MRPS28: variants seen among roughly 807,000 people sequenced by gnomAD.
The protein encoded by MRPS28 is mitochondrial ribosomal protein S28.
MRPS28 carries 7 observed loss-of-function variants against 10.8 expected under a neutral mutation model. That is an observed-to-expected ratio of 0.65 (90% CI 0.37 to 1.22). The LOEUF (loss-of-function observed/expected upper bound fraction) is 1.22. Ranked by LOEUF, MRPS28 falls within the 50% of genes most tolerant of loss-of-function variation. The pLI is 0.02. For missense variants in MRPS28, 265 were observed against 232.9 expected, an observed-to-expected ratio of 1.14 and a Z score of -0.90; for synonymous variants, 121 against 93.3, an observed-to-expected ratio of 1.30 and a Z score of -1.71.
At chr8:79,994,789 T>A (rs554122202) in intron 2 of MRPS28, among the ~76,000 whole-genome samples, 1 of 152,172 alleles carries the variant, frequency 6.6e-6, no homozygotes, top group Non-Finnish European at 1.5e-5. Context: ...TAGGACAATA[T>A]GTAAATTCCT....
At chr8:79,968,674 T>G (rs1030143587) in intron 2 of MRPS28, among the ~76,000 whole-genome samples, 4 of 151,746 alleles carry the variant, frequency 2.6e-5, no homozygotes, top group African/African-American at 9.7e-5. Context: ...TCTCTCGCCT[T>G]AGGGAACTTC....
At chr8:80,020,736 G>C (rs1203996261) in intron 1 of MRPS28, among the ~76,000 whole-genome samples, 1 of 152,146 alleles carries the variant, frequency 6.6e-6, no homozygotes, top group Non-Finnish European at 1.5e-5. Flanking sequence ...AATACTTGTA[G>C]AGAAGGTTAA....
intron 1 of MRPS28, among the ~76,000 whole-genome samples, chr8:80,014,250 G>C (rs565563169): frequency 6.6e-6 from 1 of 152,088 alleles, no homozygotes; most frequent in South Asian, 2.1e-4. Flanking sequence ...AATTCCTCAA[G>C]TGCATAATAT....
At chr8:80,024,241 A>T (rs1221763969) in intron 1 of MRPS28, among the ~76,000 whole-genome samples, 1 of 152,120 alleles carries the variant, frequency 6.6e-6, no homozygotes, top group African/African-American at 2.4e-5. Context: ...AAAAAAAAAA[A>T]GATTTGGTTG....
intron 2 of MRPS28, among the ~76,000 whole-genome samples, chr8:79,921,271 G>C (rs1257720974): frequency 6.6e-6 from 1 of 151,922 alleles, no homozygotes; most frequent in African/African-American, 2.4e-5. Flanking sequence ...TTGGCGATGT[G>C]GGCTCTTTTT....
At chr8:79,933,537 C>A (rs183312855) in intron 2 of MRPS28, among the ~76,000 whole-genome samples, 1 of 152,248 alleles carries the variant, frequency 6.6e-6, no homozygotes, top group Admixed American at 6.5e-5. Context: ...TATTTGCACA[C>A]AAATGTTCAA....
intron 2 of MRPS28, among the ~76,000 whole-genome samples, chr8:79,924,786 C>G (rs1035024023): frequency 1.3e-5 from 2 of 152,106 alleles, no homozygotes; most frequent in African/African-American, 4.8e-5. Flanking sequence ...TACCATCTGC[C>G]ATGTTCCCTC....
intron 1 of MRPS28, among the ~76,000 whole-genome samples, chr8:80,004,171 A>G (rs180726921): frequency 6.6e-6 from 1 of 152,194 alleles, no homozygotes; most frequent in Non-Finnish European, 1.5e-5. Flanking sequence ...GAGATCTGAG[A>G]ACAGACAGAC....
chr8:80,002,992 T>A lies in MRPS28; in HGVS notation c.395+7A>T. On this transcript the variant is annotated splice_region_variant and intron_variant, in intron 2 of 2. Transcript: ENST00000276585. ...CTCTTAAGGTACTTGGAAATGATTT[T>A]ACTTACTCTCCATCCACTTCTGGTC... 6.4e-7 allele frequency: 1 copy of A among 1,555,050 alleles called. No homozygotes were observed. The highest frequency in any genetic ancestry group is 8.7e-7 in the Non-Finnish European group (1 of 1,155,012).
In MRPS28 at chr8:80,030,069, C is replaced by T. The variant is rs199683365; in HGVS notation, c.180G>A (p.Ser60=). ...GGFASALERH[S]ELLQKVEPLQ... is the part of the protein sequence containing the mutation. Reference sequence around the variant, plus strand: ...GGGGCTCCACCTTCTGTAGAAGCTCCGAGTGCCGCTCCAACGCGCTCGCGA... The same window carrying T: ...GGGGCTCCACCTTCTGTAGAAGCTCTGAGTGCCGCTCCAACGCGCTCGCGA... Residue 60 remains serine, a synonymous_variant, in exon 1 of 3, where the codon TCG becomes TCA. Coordinates refer to ENST00000276585, the MANE Select transcript of MRPS28 (RefSeq NM_014018.3). The T allele has an allele frequency of 6.8e-6, 11 of 1,613,590 alleles. No homozygotes were observed. The highest frequency in any genetic ancestry group is 6.7e-5 in the East Asian group (3 of 44,834).
At chr8:80,011,004 A>G (rs541478383) in intron 1 of MRPS28, among the ~76,000 whole-genome samples, 1 of 152,252 alleles carries the variant, frequency 6.6e-6, no homozygotes, top group Non-Finnish European at 1.5e-5. Flanking sequence ...GCACTTTGAA[A>G]ATAGTTCTTT....
At chr8:80,012,748 G>A (rs777434830) in intron 1 of MRPS28, among the ~76,000 whole-genome samples, 34 of 152,166 alleles carry the variant, frequency 2.2e-4, no homozygotes, top group Non-Finnish European at 3.8e-4. Context: ...TAAGGTAAAG[G>A]AATTACAGAC....
At position 80,003,137 on chromosome 8, in the gene MRPS28, T is replaced by C. The variant is rs1407109854; in HGVS notation, c.257A>G (p.His86Arg). The C allele has an allele frequency of 6.2e-7, 1 of 1,604,394 alleles. No homozygotes were observed. Among genetic ancestry groups the C allele is most frequent in the South Asian group, 1.1e-5 (1 of 88,344 alleles). ...NVESFASMLR[H>R]SPLTQMGPAK... ...AGGTCCCATCTGTGTAAGAGGAGAA[T>C]GTCTCAGCATAGATGCAAAGGATTC... is the stretch of plus-strand genomic sequence containing the variant. The change falls in exon 2 of 3, where the codon CAT becomes CGT. Residue 86 changes from histidine to arginine, a missense_variant. By Grantham distance (29) the His-to-Arg change is conservative (BLOSUM62 0). Coordinates refer to ENST00000276585, the MANE Select transcript of MRPS28 (RefSeq NM_014018.3).
chr8:79,921,797 T>C (rs1245513415), intron 2 of MRPS28, among the ~76,000 whole-genome samples: 1 of 152,192 alleles, frequency 6.6e-6, no homozygotes, highest in Non-Finnish European at 1.5e-5. Flanking sequence ...CTGATTGCCC[T>C]GGCCAGAACT....
chr8:79,970,950 G>A (rs1227708401), intron 2 of MRPS28, among the ~76,000 whole-genome samples: 1 of 152,160 alleles, frequency 6.6e-6, no homozygotes. Context: ...TAAGAAATTA[G>A]GTGAATTGCA....
rs1808593492 is a variant in MRPS28, at chr8:79,999,348, G to T, written c.395+3651C>A. Among the ~76,000 whole-genome samples the T allele has an allele frequency of 2.0e-5, 3 of 152,166 alleles. No individual in the cohort carries two copies. The South Asian group carries it at 6.2e-4, about 32-fold the overall frequency. Reference sequence around the variant, plus strand: ...CCTTGTTCAGTGATAAAGACAACAGGCAAACATTTGAATTAAGTAGGTTCT... The same window carrying T: ...CCTTGTTCAGTGATAAAGACAACAGTCAAACATTTGAATTAAGTAGGTTCT... On this transcript the variant is annotated intron_variant, in intron 2 of 2. Transcript: ENST00000276585.
At chr8:79,967,590 T>C (rs1325102502) in intron 2 of MRPS28, among the ~76,000 whole-genome samples, 1 of 152,154 alleles carries the variant, frequency 6.6e-6, no homozygotes, top group Non-Finnish European at 1.5e-5. Context: ...GCAAGCAACA[T>C]GTGCTACGTG....
At chr8:79,938,352 A>C (rs1806664318) in intron 2 of MRPS28, among the ~76,000 whole-genome samples, 1 of 151,978 alleles carries the variant, frequency 6.6e-6, no homozygotes, top group Non-Finnish European at 1.5e-5. Flanking sequence ...CAAGTGAAAA[A>C]CTTTCCCAAA....
chr8:79,958,963 T>C (rs958805670), intron 2 of MRPS28, among the ~76,000 whole-genome samples: 1 of 152,140 alleles, frequency 6.6e-6, no homozygotes, highest in Non-Finnish European at 1.5e-5. Context: ...GGAGACTATA[T>C]GAGTTAAAGA....
Sources: gnomAD v4.1 joint callset for allele counts (sites outside exome capture counted in the v4.1 genomes callset) on GRCh38, gnomAD v4.1.1 for gene constraint, MANE v1.5 for transcripts, NCBI Gene and HGNC (gene_info 2026-07-23, HGNC 2026-07-21) for gene names.